The following TAF1A variants were observed in gnomAD, a reference collection of about 807,000 sequenced individuals.
TAF1A encodes TATA box-binding protein-associated factor RNA polymerase I subunit A.
Under a neutral mutation model 61.6 loss-of-function variants are expected in TAF1A, and 42 were observed. The ratio of observed to expected loss-of-function variants is 0.68; its 90% CI spans 0.53 to 0.88. The LOEUF (loss-of-function observed/expected upper bound fraction) is 0.88. Among genes scored for constraint, TAF1A ranks in the 40% least tolerant of loss-of-function variants. The pLI is 0.00. For synonymous variants in TAF1A, 179 were observed against 177.7 expected (o/e 1.01, Z -0.06); for missense variants, 424 against 518.7 (o/e 0.82, Z 1.77).
chr1:222,560,121 G>A (rs2102635011), intron 10 of TAF1A, among the ~76,000 whole-genome samples: 1 of 152,194 alleles, frequency 6.6e-6, no homozygotes, highest in East Asian at 1.9e-4. Context: ...AGCATGGAAA[G>A]AAAGAGAGCC....
intron 10 of TAF1A, 28 bp from the exon 11 acceptor site, chr1:222,558,800 T>A: frequency 8.7e-7 from 1 of 1,152,822 alleles, no homozygotes; most frequent in African/African-American, 1.5e-5. Flanking sequence ...ATAAAAAGTT[T>A]TAATACTCAT....
intron 5 of TAF1A, 54 bp downstream of exon 5, chr1:222,577,391 A>T: frequency 7.0e-7 from 1 of 1,433,988 alleles, no homozygotes; most frequent in Non-Finnish European, 9.8e-7. Context: ...ACTCCTTAAG[A>T]TCCCTCTGCC....
chr1:222,588,048 A>C (rs1201899601), intron 2 of TAF1A, among the ~76,000 whole-genome samples: 2 of 113,818 alleles, frequency 1.8e-5, no homozygotes, highest in Non-Finnish European at 4.2e-5. Flanking sequence ...ACTCTGTCTC[A>C]AAAAAAAAAA....
chr1:222,586,765 G>A (rs1225131207), intron 2 of TAF1A, among the ~76,000 whole-genome samples: 2 of 152,058 alleles, frequency 1.3e-5, no homozygotes, highest in Non-Finnish European at 2.9e-5. Flanking sequence ...GGGGGTTGCT[G>A]GGCATGCCCT....
chr1:222,564,440 A>G (rs1660041643), intron 7 of TAF1A, among the ~76,000 whole-genome samples: 1 of 152,022 alleles, frequency 6.6e-6, no homozygotes. Flanking sequence ...AACAACTAAA[A>G]ACGATTTCTT....
At chr1:222,577,190 T>C (rs1164364946) in intron 5 of TAF1A, among the ~76,000 whole-genome samples, 1 of 152,114 alleles carries the variant, frequency 6.6e-6, no homozygotes, top group Non-Finnish European at 1.5e-5. Context: ...CTGGCTGTGT[T>C]TATCCTGGAC....
Position 222,570,679 on chromosome 1 carries a change from C to A in TAF1A, c.605-14G>T, listed in dbSNP as rs370866758. ...AATCATCCTTATCTGCCCAAAGATACAAGATCTTTTAACATTCATTAAACA... is the reference window on the plus strand; with the variant it reads ...AATCATCCTTATCTGCCCAAAGATAAAAGATCTTTTAACATTCATTAAACA... On this transcript the variant is annotated splice_polypyrimidine_tract_variant and intron_variant, in intron 5 of 10. Coordinates refer to ENST00000352967, the MANE Select transcript of TAF1A (RefSeq NM_005681.4). 6.3e-7 allele frequency: 1 copy of A among 1,581,120 alleles called. No homozygotes were observed.
intron 2 of TAF1A, among the ~76,000 whole-genome samples, chr1:222,585,724 A>G (rs1660987821): frequency 6.6e-6 from 1 of 152,214 alleles, no homozygotes; most frequent in South Asian, 2.1e-4. Context: ...TATAAACAAA[A>G]AAAGTATAAA....
At position 222,558,683 on chromosome 1, in the gene TAF1A, T is replaced by G. The variant is rs79797053; in HGVS notation, c.1330A>C (p.Ser444Arg). The change falls in exon 11 of 11, where the codon AGT becomes CGT. Residue 444 changes from serine to arginine, a missense_variant. By Grantham distance (110) the Ser-to-Arg change is moderately radical. Coordinates refer to ENST00000352967, the MANE Select transcript of TAF1A (RefSeq NM_005681.4). ...KRMKRSVKKY[S>R]IVNPRL Reference sequence around the variant, plus strand: ...TATCAGAGTCTTGGATTTACAATACTGTATTTTTTCACAGATCTCTTCATC... The same window carrying G: ...TATCAGAGTCTTGGATTTACAATACGGTATTTTTTCACAGATCTCTTCATC... The G allele has an allele frequency of 3.5e-5, 55 of 1,567,490 alleles. No individual in the cohort carries two copies. In the East Asian group the frequency reaches 1.2e-3, roughly 33 times the overall value.
At chr1:222,574,301 A>G (rs1660480732) in intron 5 of TAF1A, among the ~76,000 whole-genome samples, 1 of 152,350 alleles carries the variant, frequency 6.6e-6, no homozygotes, top group Non-Finnish European at 1.5e-5. Flanking sequence ...AAAAACCATG[A>G]GAGATCACTA....
chr1:222,561,570 A>T (rs553399653), intron 9 of TAF1A, 52 bp from the exon 10 acceptor site: 2 of 1,502,444 alleles, frequency 1.3e-6, no homozygotes, highest in South Asian at 2.7e-5. Flanking sequence ...ACAAATCTAT[A>T]TTATCAGAAT....
At chr1:222,564,695 T>G (rs888522223) in intron 7 of TAF1A, among the ~76,000 whole-genome samples, 1 of 152,264 alleles carries the variant, frequency 6.6e-6, no homozygotes. Context: ...AAGGACTATT[T>G]TTATGAATAT....
downstream of TAF1A, among the ~76,000 whole-genome samples, chr1:222,557,718 C>CA (rs1175709815): frequency 1.3e-4 from 19 of 151,674 alleles, no homozygotes; most frequent in Admixed American, 6.6e-4. Flanking sequence ...TGCCAGGCAC[C>CA]AAAAAAGCCG....
Position 222,569,683 on chromosome 1 carries a change from T to C in TAF1A, c.736-15A>G. Reference sequence around the variant, plus strand: ...AATTCCAGCATCTATATAAAATAAATCATAATATCTTAGCTGAATTCTGTA... The same window carrying C: ...AATTCCAGCATCTATATAAAATAAACCATAATATCTTAGCTGAATTCTGTA... On this transcript the variant is annotated splice_polypyrimidine_tract_variant and intron_variant, in intron 6 of 10. Coordinates refer to ENST00000352967, the MANE Select transcript of TAF1A (RefSeq NM_005681.4). The C allele has an allele frequency of 6.2e-7, 1 of 1,601,458 alleles. No homozygotes were observed. The highest frequency in any genetic ancestry group is 1.1e-5 in the South Asian group (1 of 88,352).
At position 222,579,278 on chromosome 1, in the gene TAF1A, A is replaced by T. The variant is rs1461434560; in HGVS notation, c.405+481T>A. ...CTTTGAGACAAAAACATAGAGAGGG[A>T]GATACAATATTTTGAAAATGTCTCA... On this transcript the variant is annotated intron_variant, in intron 4 of 10. Coordinates refer to ENST00000352967, the MANE Select transcript of TAF1A (RefSeq NM_005681.4). Among the ~76,000 whole-genome samples, 3 of 152,218 alleles carry T rather than the reference A, an allele frequency of 2.0e-5. No homozygotes were observed. The East Asian group carries it at 5.8e-4, about 29-fold the overall frequency.
At chr1:222,566,520 T>C (rs1034797749) in intron 7 of TAF1A, among the ~76,000 whole-genome samples, 1 of 152,206 alleles carries the variant, frequency 6.6e-6, no homozygotes. Context: ...AACTGGATGA[T>C]CCCATCTGGG....
rs11485180 is a variant in TAF1A at position 222,563,156 on chromosome 1, C to T, written c.1085+17G>A. ...TTATTTATGATGACCTAGTAATAAA[C>T]ACTGTATGTTTCTTACCCCATTAAG... On this transcript the variant is annotated intron_variant, in intron 9 of 10. Coordinates refer to ENST00000352967, the MANE Select transcript of TAF1A (RefSeq NM_005681.4). 234,028 of 1,580,354 alleles carry T rather than the reference C, an allele frequency of 0.15. 20,587 individuals are homozygous for T. Among genetic ancestry groups the T allele is most frequent in the African/African-American group, 0.41 (30,147 of 72,956 alleles).
downstream of TAF1A, among the ~76,000 whole-genome samples, chr1:222,555,392 A>C (rs1162164527): frequency 6.6e-6 from 1 of 152,242 alleles, no homozygotes; most frequent in East Asian, 1.9e-4. Context: ...AGCCTTATAA[A>C]AGGAAGAAAT....
Position 222,588,439 on chromosome 1 carries a change from T to C in TAF1A, c.121+4A>G. On this transcript the variant is annotated splice_donor_region_variant and intron_variant, in intron 2 of 10. Coordinates refer to ENST00000352967, the MANE Select transcript of TAF1A (RefSeq NM_005681.4). ...AAATGGCTCAATGTTATTATTTTAC[T>C]TACCCACAGTTTCTACGTATGTTTG... 2 of 1,611,680 alleles carry C rather than the reference T, an allele frequency of 1.2e-6. No homozygotes were observed. Among genetic ancestry groups the C allele is most frequent in the Non-Finnish European group, 1.7e-6 (2 of 1,179,290 alleles).
Sources: gnomAD v4.1 joint callset for allele counts (sites outside exome capture counted in the v4.1 genomes callset) on GRCh38, gnomAD v4.1.1 for gene constraint, MANE v1.5 for transcripts, NCBI Gene and HGNC (gene_info 2026-07-23, HGNC 2026-07-21) for gene names.